KIRREL3: variants seen among roughly 807,000 people sequenced by gnomAD.
KIRREL3 encodes kin of IRRE-like protein 3.
KIRREL3 carries 36 observed loss-of-function variants against 89.7 expected under a neutral mutation model. The ratio of observed to expected loss-of-function variants is 0.40; its 90% CI spans 0.31 to 0.53. The LOEUF (loss-of-function observed/expected upper bound fraction) is 0.53, where lower values mean the gene tolerates loss of function less well. KIRREL3 is among the 20% of genes least tolerant of loss of function. The pLI is 0.49. For synonymous variants in KIRREL3, 445 were observed against 441.4 expected (o/e 1.01, Z -0.10); for missense variants, 864 against 1,056.6 (o/e 0.82, Z 2.53).
chr11:126,490,750 C>A lies in KIRREL3; in HGVS notation c.434-17284G>T, dbSNP rs1957489417. ...TCATTCCTTTTCTTGTCTCTCCTCC[C>A]TCCTCGTCTCCCAAAGAATGGGTCT... On this transcript the variant is annotated intron_variant, in intron 4 of 16. Coordinates refer to ENST00000525144, the MANE Select transcript of KIRREL3 (RefSeq NM_032531.4). This position sits in a 1 kb window ranked among gnomAD's most constrained non-coding sequence, Gnocchi z 4.2. 6.6e-6 allele frequency among the ~76,000 whole-genome samples: 1 copy of A among 152,216 alleles called. No homozygotes were observed. Among genetic ancestry groups the A allele is most frequent in the African/African-American group, 2.4e-5 (1 of 41,452 alleles).
In KIRREL3 at chr11:126,523,284, A is replaced by G. The variant is rs1027038521; in HGVS notation, c.284-1820T>C. Among the ~76,000 whole-genome samples the G allele has an allele frequency of 6.6e-6, 1 of 152,086 alleles. No homozygotes were observed. The highest frequency in any genetic ancestry group is 1.5e-5 in the Non-Finnish European group (1 of 68,020). ...TACACCGGGTGAAAGATCAGACTAG[A>G]GGAGCTTGAAGGCCCCTCTCACCAC... On this transcript the variant is annotated intron_variant, in intron 3 of 16. Coordinates refer to ENST00000525144, the MANE Select transcript of KIRREL3 (RefSeq NM_032531.4). The surrounding 1 kb of genome is among the most constrained non-coding windows in gnomAD (Gnocchi z 4.9).
intron 1 of KIRREL3, among the ~76,000 whole-genome samples, chr11:126,680,397 G>GATATATATATATATAT (rs150251599): frequency 2.8e-5 from 4 of 144,178 alleles, no homozygotes; most frequent in South Asian, 4.4e-4. Flanking sequence ...TTCTACTGGA[G>GATATATATATATATAT]ATATATATAT....
chr11:126,925,956 T>C (rs1288955519), intron 1 of KIRREL3, among the ~76,000 whole-genome samples: 2 of 152,200 alleles, frequency 1.3e-5, no homozygotes, highest in African/African-American at 4.8e-5. Flanking sequence ...CTGTGTCCTA[T>C]CCAGAAACAT....
intron 1 of KIRREL3, among the ~76,000 whole-genome samples, chr11:126,727,636 G>C (rs1227408093): frequency 1.3e-5 from 2 of 152,174 alleles, no homozygotes; most frequent in Non-Finnish European, 2.9e-5. Context: ...TGGGTGAGCT[G>C]CATTTTTGTG....
Position 126,613,871 on chromosome 11 carries a change from CTTTTTTTTTTT to C in KIRREL3, c.56-50970_56-50960del, listed in dbSNP as rs5795506. On this transcript the variant is annotated intron_variant, in intron 1 of 16. Coordinates refer to ENST00000525144, the MANE Select transcript of KIRREL3 (RefSeq NM_032531.4). Reference sequence around the variant, plus strand: ...CATTTCTGGAATGTTAATACTGTTGCTTTTTTTTTTTTTTTTTTTTTTATTTTTTTCCCCAT... The same window carrying C: ...CATTTCTGGAATGTTAATACTGTTGCTTTTTTTTTTTATTTTTTTCCCCAT... 9.0e-3 allele frequency among the ~76,000 whole-genome samples: 794 copies of C among 88,538 alleles called. 11 individuals carry two copies. The highest frequency in any genetic ancestry group is 0.061 in the Middle Eastern group (12 of 198). 58.1% of individuals were successfully genotyped at this position (88,538 alleles called of 152,430 possible).
rs1265026990 is a variant in KIRREL3, at chr11:126,983,033, T to C, written c.55+17422A>G. Among the ~76,000 whole-genome samples the C allele has an allele frequency of 6.6e-6, 1 of 152,234 alleles. No homozygotes were observed. The highest frequency in any genetic ancestry group is 1.5e-5 in the Non-Finnish European group (1 of 68,042). On this transcript the variant is annotated intron_variant, in intron 1 of 16. Transcript: ENST00000525144. This position sits in a 1 kb window ranked among gnomAD's most constrained non-coding sequence, Gnocchi z 4.9. ...ATAGTTGCATCTAGTAGTAACTCCA[T>C]TGATTATGTAAGCGTAATTTGTGCC...
At chr11:126,690,530 G>C (rs559167342) in intron 1 of KIRREL3, among the ~76,000 whole-genome samples, 1 of 152,094 alleles carries the variant, frequency 6.6e-6, no homozygotes, top group Admixed American at 6.5e-5. Flanking sequence ...GAAGGATGAC[G>C]GTTTTGTGCC....
chr11:126,445,556 C>T (rs1263542363), intron 9 of KIRREL3, among the ~76,000 whole-genome samples: 1 of 152,134 alleles, frequency 6.6e-6, no homozygotes, highest in African/African-American at 2.4e-5. Context: ...TTTCAGGATC[C>T]CTTTGGGATA....
At chr11:126,468,665 C>A (rs187603249) in intron 5 of KIRREL3, among the ~76,000 whole-genome samples, 1 of 152,246 alleles carries the variant, frequency 6.6e-6, no homozygotes, top group African/African-American at 2.4e-5. Flanking sequence ...AGCTGTATGA[C>A]CCCTGGGGCA....
At chr11:126,741,074 C>A (rs552062736) in intron 1 of KIRREL3, among the ~76,000 whole-genome samples, 12 of 152,178 alleles carry the variant, frequency 7.9e-5, no homozygotes, top group Admixed American at 7.9e-4. Flanking sequence ...CACAGGCCAA[C>A]TCTCTCTTCT....
At position 126,453,764 on chromosome 11, in the gene KIRREL3, G is replaced by A. The variant is rs541922205; in HGVS notation, c.848+2585C>T. 3.2e-3 allele frequency among the ~76,000 whole-genome samples: 489 copies of A among 152,254 alleles called. 4 individuals carry two copies. Among genetic ancestry groups the A allele is most frequent in the South Asian group, 6.4e-3 (31 of 4,826 alleles). On this transcript the variant is annotated intron_variant, in intron 7 of 16. Coordinates refer to ENST00000525144, the MANE Select transcript of KIRREL3 (RefSeq NM_032531.4). ...GAGGGGCTCCCTGAAAGCCTCTGGAGTCCTGGAGGGAGATGACCCCTCAGT... is the reference window on the plus strand; with the variant it reads ...GAGGGGCTCCCTGAAAGCCTCTGGAATCCTGGAGGGAGATGACCCCTCAGT...
chr11:126,590,289 CCTCT>C (rs1942075750), intron 1 of KIRREL3, among the ~76,000 whole-genome samples: 2 of 152,212 alleles, frequency 1.3e-5, no homozygotes, highest in African/African-American at 2.4e-5. Flanking sequence ...ACATCACCTC[CCTCT>C]GTTTTAAAAA....
intron 1 of KIRREL3, among the ~76,000 whole-genome samples, chr11:126,592,757 G>A (rs1209651235): frequency 6.6e-6 from 1 of 152,194 alleles, no homozygotes; most frequent in South Asian, 2.1e-4. Context: ...GGCACCAGTC[G>A]CAGGTAAGGC....
At position 126,529,061 on chromosome 11, in the gene KIRREL3, T is replaced by G. The variant is rs369102674; in HGVS notation, c.134-2374A>C. ...GGGGTTATAATGAGAGCCCCTTAAA[T>G]GAAGCAGTGCCCGAGCCCTCTGAGA... On this transcript the variant is annotated intron_variant, in intron 2 of 16. Transcript: ENST00000525144. Among the ~76,000 whole-genome samples, 13 of 152,268 alleles carry G rather than the reference T, an allele frequency of 8.5e-5. 1 individual carries two copies. The highest frequency in any genetic ancestry group is 3.1e-4 in the African/African-American group (13 of 41,550).
At chr11:126,480,596 C>T (rs543446049) in intron 4 of KIRREL3, among the ~76,000 whole-genome samples, 330 of 152,360 alleles carry the variant, frequency 2.2e-3, no homozygotes, top group Non-Finnish European at 3.9e-3. Flanking sequence ...ACTATCCCTG[C>T]AGCTGCAGCA....
chr11:126,821,250 G>C (rs1592175662), intron 1 of KIRREL3, among the ~76,000 whole-genome samples: 1 of 150,918 alleles, frequency 6.6e-6, no homozygotes, highest in Admixed American at 6.6e-5. Flanking sequence ...AGCTGGCAGG[G>C]GGACACCCCC....
chr11:126,549,234 T>A (rs1224445019), intron 2 of KIRREL3: 1 of 152,186 alleles, frequency 6.6e-6, no homozygotes, highest in African/African-American at 2.4e-5. Flanking sequence ...GGACTTGATT[T>A]GGCACTTCTG....
At chr11:126,930,594 C>T (rs1273816968) in intron 1 of KIRREL3, among the ~76,000 whole-genome samples, 1 of 152,170 alleles carries the variant, frequency 6.6e-6, no homozygotes, top group African/African-American at 2.4e-5. Context: ...CCATGTCTGT[C>T]TGGGCCCTCA....
At chr11:126,716,766 T>C (rs528277794) in intron 1 of KIRREL3, among the ~76,000 whole-genome samples, 1 of 91,028 alleles carries the variant, frequency 1.1e-5, no homozygotes, top group East Asian at 3.3e-4. Context: ...GGGGGAAGTG[T>C]GGGGGAGAGT....
Sources: gnomAD v4.1 joint callset for allele counts (sites outside exome capture counted in the v4.1 genomes callset) on GRCh38, gnomAD v4.1.1 for gene constraint, Gnocchi (gnomAD v3.1) non-coding constraint, MANE v1.5 for transcripts, NCBI Gene and HGNC (gene_info 2026-07-23, HGNC 2026-07-21) for gene names.